The following PAK1 variants were observed in gnomAD, a reference collection of about 807,000 sequenced individuals.
PAK1 encodes serine/threonine-protein kinase PAK 1.
In PAK1, 29 loss-of-function variants were observed where a neutral mutation model predicts 67.4. The observed-to-expected ratio is 0.43, with a 90% CI of 0.32 to 0.59. The LOEUF is 0.59. PAK1 is among the 20% of genes least tolerant of loss of function. The pLI is 0.07. For synonymous variants in PAK1, 223 were observed against 237.4 expected (o/e 0.94, Z 0.56); for missense variants, 337 against 670.7 (o/e 0.50, Z 5.50).
chr11:77,374,434 G>C (rs1179062112), intron 4 of PAK1, 69 bp from the exon 5 acceptor site: 2 of 988,988 alleles, frequency 2.0e-6, no homozygotes, highest in African/African-American at 1.6e-5. Context: ...GACAGCAAAA[G>C]AAGTCTATCT....
intron 6 of PAK1, among the ~76,000 whole-genome samples, chr11:77,358,453 A>C (rs1435801805): frequency 6.6e-6 from 1 of 152,158 alleles, no homozygotes; most frequent in Non-Finnish European, 1.5e-5. Flanking sequence ...TAATGTATTT[A>C]TATATTCTCT....
In PAK1 at chr11:77,326,521, C is replaced by T. The variant is rs142641756; in HGVS notation, c.1552-3161G>A. Among the ~76,000 whole-genome samples the T allele has an allele frequency of 1.1e-4, 17 of 152,156 alleles. No homozygotes were observed. The East Asian group carries it at 2.5e-3, about 22-fold the overall frequency. On this transcript the variant is annotated intron_variant, in intron 14 of 14. Coordinates refer to ENST00000356341, the MANE Select transcript of PAK1 (RefSeq NM_002576.5). ...GCAACATGGCAAAACCCTGTCTTTACAAAAAATAGAAAAATTAGGCAGGTA... is the reference window on the plus strand; with the variant it reads ...GCAACATGGCAAAACCCTGTCTTTATAAAAAATAGAAAAATTAGGCAGGTA...
intron 11 of PAK1, among the ~76,000 whole-genome samples, chr11:77,338,541 A>C (rs914860012): frequency 1.3e-5 from 2 of 152,164 alleles, no homozygotes; most frequent in African/African-American, 4.8e-5. Flanking sequence ...GCTACTACGG[A>C]AACAGTTTGG....
At chr11:77,401,791 T>C (rs565965933) in intron 1 of PAK1, among the ~76,000 whole-genome samples, 13 of 152,354 alleles carry the variant, frequency 8.5e-5, no homozygotes, top group Non-Finnish European at 1.8e-4. Context: ...GCTCCCGAAA[T>C]GTAACAGCAT....
At chr11:77,377,139 G>C (rs1019448950) in intron 4 of PAK1, among the ~76,000 whole-genome samples, 1 of 152,020 alleles carries the variant, frequency 6.6e-6, no homozygotes, top group Non-Finnish European at 1.5e-5. Context: ...GCTGGGGGTG[G>C]TGGTGCATGC....
At chr11:77,460,871 A>G (rs903846083) in intron 1 of PAK1, among the ~76,000 whole-genome samples, 3 of 152,212 alleles carry the variant, frequency 2.0e-5, no homozygotes, top group African/African-American at 7.2e-5. Context: ...GGGTGGGGGC[A>G]GAGAGGTAAA....
At chr11:77,470,364 C>T (rs1208075231) in intron 1 of PAK1, among the ~76,000 whole-genome samples, 1 of 152,080 alleles carries the variant, frequency 6.6e-6, no homozygotes, top group Admixed American at 6.6e-5. Flanking sequence ...CTTTTTTCAT[C>T]CCTCTATTTC....
chr11:77,411,276 G>A (rs185123111), intron 1 of PAK1, among the ~76,000 whole-genome samples: 3 of 152,164 alleles, frequency 2.0e-5, no homozygotes, highest in Non-Finnish European at 4.4e-5. Context: ...GTCTGGAAAA[G>A]CCAGAGTAAC....
At chr11:77,355,947 T>G in intron 6 of PAK1, 105 bp from the exon 7 acceptor site, 1 of 681,098 alleles carries the variant, frequency 1.5e-6, no homozygotes, top group Non-Finnish European at 2.6e-6. Flanking sequence ...CCCAATAAAC[T>G]CATCCTTTCT....
chr11:77,448,536 G>C (rs1023437253), intron 1 of PAK1, among the ~76,000 whole-genome samples: 9 of 152,218 alleles, frequency 5.9e-5, no homozygotes, highest in African/African-American at 2.2e-4. Context: ...GCCTGGCACA[G>C]GAGGACAATG....
chr11:77,325,166 A>C (rs946203870), intron 14 of PAK1, among the ~76,000 whole-genome samples: 3 of 152,180 alleles, frequency 2.0e-5, no homozygotes, highest in Admixed American at 1.3e-4. Flanking sequence ...TCCAACATCG[A>C]ATTGGGAGGC....
chr11:77,420,200 G>A (rs1240324875), intron 1 of PAK1, among the ~76,000 whole-genome samples: 2 of 152,142 alleles, frequency 1.3e-5, no homozygotes, highest in African/African-American at 4.8e-5. Flanking sequence ...TTTCCCTTGA[G>A]TGAATCACAA....
chr11:77,472,770 AC>A lies in PAK1; in HGVS notation c.-22+781del, dbSNP rs751880152. Among the ~76,000 whole-genome samples the A allele has an allele frequency of 7.2e-5, 11 of 152,268 alleles. No homozygotes were observed. In the East Asian group the frequency reaches 1.9e-3, roughly 27 times the overall value. On this transcript the variant is annotated intron_variant, in intron 1 of 14. Transcript: ENST00000356341. ...ATTTTTATTAGTAACCACGGAACTAACCCTTCCCTTCACTGTTCACAGTTTT... is the reference window on the plus strand; with the variant it reads ...ATTTTTATTAGTAACCACGGAACTAACCTTCCCTTCACTGTTCACAGTTTT...
the PAK1 span, among the ~76,000 whole-genome samples, chr11:77,490,473 C>T: frequency 1.2e-4 from 17 of 146,208 alleles, no homozygotes; most frequent in Non-Finnish European, 2.4e-4. Context: ...GTCAGCCCCC[C>T]GCCCGGCCAG....
the PAK1 span, among the ~76,000 whole-genome samples, chr11:77,525,503 TCA>T: frequency 6.6e-6 from 1 of 152,244 alleles, no homozygotes; most frequent in African/African-American, 2.4e-5. Flanking sequence ...AGGGAGCAAC[TCA>T]TGATTTCCCA....
At chr11:77,499,135 T>TAA in the PAK1 span, among the ~76,000 whole-genome samples, 3,928 of 141,176 alleles carry the variant, frequency 0.028, 181 homozygotes, top group African/African-American at 0.094. Context: ...CACTCACTAC[T>TAA]AAAAAAAAAA....
intron 1 of PAK1, among the ~76,000 whole-genome samples, chr11:77,467,208 C>G (rs987554744): frequency 1.3e-5 from 2 of 152,172 alleles, no homozygotes; most frequent in African/African-American, 4.8e-5. Flanking sequence ...TTTTCAGAAC[C>G]CATCTTAGAT....
the PAK1 span, among the ~76,000 whole-genome samples, chr11:77,482,240 C>T: frequency 6.6e-6 from 1 of 151,888 alleles, no homozygotes; most frequent in African/African-American, 2.4e-5. Flanking sequence ...CCGCCAGCCT[C>T]AGCTTCCCAA....
At chr11:77,432,352 T>C (rs1026112530) in intron 1 of PAK1, among the ~76,000 whole-genome samples, 5 of 152,182 alleles carry the variant, frequency 3.3e-5, no homozygotes, top group African/African-American at 1.2e-4. Context: ...AACTGAATGC[T>C]TTCTCCCTAA....
Sources: gnomAD v4.1 joint callset for allele counts (sites outside exome capture counted in the v4.1 genomes callset) on GRCh38, gnomAD v4.1.1 for gene constraint, MANE v1.5 for transcripts, NCBI Gene and HGNC (gene_info 2026-07-23, HGNC 2026-07-21) for gene names.